The following SGCZ variants were observed in gnomAD, a reference collection of about 807,000 sequenced individuals.
SGCZ encodes the protein zeta-sarcoglycan.
A neutral mutation model predicts 41.3 loss-of-function variants in SGCZ; 40 were observed. The observed-to-expected ratio is 0.97, with a 90% CI of 0.75 to 1.26. The LOEUF is 1.26. Among genes scored for constraint, SGCZ ranks in the 50% most tolerant of loss-of-function variants. The pLI, the probability that SGCZ is intolerant of heterozygous loss-of-function variation, is 0.00. For missense variants in SGCZ, 552 were observed against 369.8 expected (o/e 1.49, Z -4.04); for synonymous variants, 206 against 137.5 (o/e 1.50, Z -3.49).
At chr8:14,707,475 C>T (rs1809369754) in intron 1 of SGCZ, among the ~76,000 whole-genome samples, 1 of 152,056 alleles carries the variant, frequency 6.6e-6, no homozygotes, top group African/African-American at 2.4e-5. Context: ...CCCATTTCAG[C>T]TCCAACTACT....
At chr8:14,530,574 T>G (rs1269294402) in intron 2 of SGCZ, among the ~76,000 whole-genome samples, 1 of 152,218 alleles carries the variant, frequency 6.6e-6, no homozygotes, top group East Asian at 1.9e-4. Context: ...TACAATGAGA[T>G]TGGCACACAG....
At chr8:14,739,069 C>T (rs1799127737) in intron 1 of SGCZ, among the ~76,000 whole-genome samples, 1 of 151,994 alleles carries the variant, frequency 6.6e-6, no homozygotes, top group African/African-American at 2.4e-5. Flanking sequence ...ATCTGTTCCC[C>T]TGAAAACATT....
chr8:14,237,635 A>C lies in SGCZ; in HGVS notation c.381T>G (p.Asn127Lys), dbSNP rs1465844038. ...VLQSDRNVTVNARNHMGQLTG... is the reference protein window; with the variant it reads ...VLQSDRNVTVKARNHMGQLTG... ...TTAACTGCCCCATGTGATTTCTTGC[A>C]TTCACTGTGACATTCCTGTCAGACT... Residue 127 changes from asparagine to lysine, a missense_variant, in exon 4 of 8, where the codon AAT (asparagine) becomes AAG (lysine). Physicochemically the swap from Asn to Lys is moderately conservative, Grantham distance 94. Transcript: ENST00000382080. The C allele has an allele frequency of 6.2e-7, 1 of 1,613,880 alleles. No individual in the cohort carries two copies. The highest frequency in any genetic ancestry group is 2.2e-5 in the East Asian group (1 of 44,894).
chr8:14,895,578 C>T (rs1183547933), intron 1 of SGCZ, among the ~76,000 whole-genome samples: 1 of 152,050 alleles, frequency 6.6e-6, no homozygotes, highest in Non-Finnish European at 1.5e-5. Flanking sequence ...TCTGGAAGAT[C>T]AAAGAAGATG....
At chr8:14,354,087 GT>G (rs1803202678) in intron 2 of SGCZ, among the ~76,000 whole-genome samples, 1 of 151,884 alleles carries the variant, frequency 6.6e-6, no homozygotes, top group Non-Finnish European at 1.5e-5. Context: ...AAGTATCTTT[GT>G]TTTTCGGGAA....
intron 1 of SGCZ, among the ~76,000 whole-genome samples, chr8:14,802,009 G>C (rs1191343236): frequency 1.3e-5 from 2 of 152,096 alleles, no homozygotes; most frequent in Non-Finnish European, 2.9e-5. Flanking sequence ...TTTAAAATAT[G>C]GAAAAGAAAT....
chr8:14,701,577 C>G (rs565033627), intron 1 of SGCZ, among the ~76,000 whole-genome samples: 2 of 152,116 alleles, frequency 1.3e-5, no homozygotes, highest in South Asian at 4.1e-4. Context: ...TGCCTGGTAA[C>G]TCTACAGCAT....
rs371678131 is a variant in SGCZ, at chr8:14,962,900, A to G, written c.39+274685T>C. On this transcript the variant is annotated intron_variant, in intron 1 of 7. Coordinates refer to ENST00000382080, the MANE Select transcript of SGCZ (RefSeq NM_139167.4). ...TTTTCCATTGCAGACATGAAAAACA[A>G]AAAATCCATATTAAATGTCACTGGC... is the stretch of plus-strand genomic sequence containing the variant. Among the ~76,000 whole-genome samples the G allele has an allele frequency of 2.0e-3, 307 of 152,314 alleles. 2 individuals carry two copies. Among genetic ancestry groups the G allele is most frequent in the African/African-American group, 7.1e-3 (297 of 41,582 alleles).
chr8:14,631,862 A>G (rs933347729), intron 1 of SGCZ, among the ~76,000 whole-genome samples: 1 of 152,154 alleles, frequency 6.6e-6, no homozygotes, highest in Non-Finnish European at 1.5e-5. Context: ...ACAACTTCTT[A>G]GTCTCAATTA....
chr8:14,410,775 A>C (rs7008279), intron 2 of SGCZ, among the ~76,000 whole-genome samples: 17,393 of 152,098 alleles, frequency 0.11, 2,005 homozygotes, highest in African/African-American at 0.3. Context: ...TTAAAGTAAA[A>C]TATACAAAAA....
intron 2 of SGCZ, among the ~76,000 whole-genome samples, chr8:14,391,586 C>G (rs190779178): frequency 4.6e-5 from 7 of 152,000 alleles, no homozygotes; most frequent in Non-Finnish European, 1.0e-4. Context: ...GGACAAGGCA[C>G]CAGTTAGGAA....
At chr8:15,214,026 C>A (rs562219249) in intron 1 of SGCZ, among the ~76,000 whole-genome samples, 1 of 151,918 alleles carries the variant, frequency 6.6e-6, no homozygotes, top group Non-Finnish European at 1.5e-5. Flanking sequence ...AAATGCATTC[C>A]TATTTCATTA....
At position 14,173,850 on chromosome 8, in the gene SGCZ, C is replaced by G. The variant is rs925098535; in HGVS notation, c.425-9148G>C. Among the ~76,000 whole-genome samples the G allele has an allele frequency of 6.6e-5, 10 of 151,840 alleles. No individual in the cohort carries two copies. The East Asian group carries it at 1.5e-3, about 23-fold the overall frequency. On this transcript the variant is annotated intron_variant, in intron 4 of 7. Transcript: ENST00000382080. ...ACTAAACACTGCCATAAAATTCTTA[C>G]AAAAACAAAAATTTAAAGTTTACAA...
At chr8:14,273,665 T>C (rs1392634027) in intron 3 of SGCZ, among the ~76,000 whole-genome samples, 2 of 152,202 alleles carry the variant, frequency 1.3e-5, no homozygotes. Flanking sequence ...TGGGATAACA[T>C]ACATTTAAAC....
Position 14,828,183 on chromosome 8 carries a change from T to A in SGCZ, c.40-273257A>T, listed in dbSNP as rs557057816. On this transcript the variant is annotated intron_variant, in intron 1 of 7. Transcript: ENST00000382080. ...AAAGCACGGAATCTTTACAAAAAGT[T>A]TATGGGAGCAATGCCCCAAAGAAAT... Among the ~76,000 whole-genome samples, 6 of 152,292 alleles carry A rather than the reference T, an allele frequency of 3.9e-5. No individual in the cohort carries two copies. In the South Asian group the frequency reaches 1.2e-3, roughly 32 times the overall value.
intron 3 of SGCZ, among the ~76,000 whole-genome samples, chr8:14,258,572 A>G (rs1445961998): frequency 6.6e-6 from 1 of 152,184 alleles, no homozygotes; most frequent in African/African-American, 2.4e-5. Flanking sequence ...AAAAATACTG[A>G]TACTATATTA....
chr8:14,802,735 A>G (rs994767295), intron 1 of SGCZ, among the ~76,000 whole-genome samples: 3 of 152,224 alleles, frequency 2.0e-5, no homozygotes, highest in Non-Finnish European at 2.9e-5. Context: ...TAGCATGTGT[A>G]TTGTGGAGCC....
intron 2 of SGCZ, among the ~76,000 whole-genome samples, chr8:14,425,059 T>C (rs192121253): frequency 5.3e-4 from 80 of 152,306 alleles, no homozygotes; most frequent in African/African-American, 1.9e-3. Context: ...TCTACTTTTT[T>C]ATTCCATTTT....
At chr8:14,719,940 C>A (rs1411460775) in intron 1 of SGCZ, among the ~76,000 whole-genome samples, 1 of 151,976 alleles carries the variant, frequency 6.6e-6, no homozygotes, top group Non-Finnish European at 1.5e-5. Context: ...ATGCCTATGT[C>A]CTGAATGGTA....
Sources: gnomAD v4.1 joint callset for allele counts (sites outside exome capture counted in the v4.1 genomes callset) on GRCh38, gnomAD v4.1.1 for gene constraint, MANE v1.5 for transcripts, NCBI Gene and HGNC (gene_info 2026-07-23, HGNC 2026-07-21) for gene names.